PCDHGA9: variants seen among roughly 807,000 people sequenced by gnomAD.
PCDHGA9 encodes protocadherin gamma-A9.
A neutral mutation model predicts 62.5 loss-of-function variants in PCDHGA9; 37 were observed. The observed-to-expected ratio is 0.59, with a 90% CI of 0.46 to 0.78. The LOEUF (loss-of-function observed/expected upper bound fraction) is 0.78. PCDHGA9 is among the 30% of genes least tolerant of loss of function. PCDHGA9 has a pLI of 0.00. For missense variants in PCDHGA9, 1,138 were observed against 1,166.2 expected (o/e 0.98, Z 0.35); for synonymous variants, 459 against 484.6 (o/e 0.95, Z 0.69).
chr5:141,466,496 GCA>G (rs2099123596), intron 1 of PCDHGA9, among the ~76,000 whole-genome samples: 1 of 152,120 alleles, frequency 6.6e-6, no homozygotes. Context: ...TTTAATTAGA[GCA>G]CAGACAAGAT....
At chr5:141,459,075 G>T (rs562572838) in intron 1 of PCDHGA9, among the ~76,000 whole-genome samples, 1 of 152,134 alleles carries the variant, frequency 6.6e-6, no homozygotes, top group Non-Finnish European at 1.5e-5. Context: ...CATAAAATTT[G>T]CCTTTTAAAA....
chr5:141,511,293 G>A lies in PCDHGA9; in HGVS notation c.*120G>A, dbSNP rs1028501355. On this transcript the variant is annotated 3_prime_UTR_variant, in exon 4 of 4. Coordinates refer to ENST00000573521, the MANE Select transcript of PCDHGA9 (RefSeq NM_018921.3). ...CCCCAGAATACTGGTAGGGGCCAAG[G>A]CCATGCTCCCCTTGGGAAACAGAAA... The A allele has an allele frequency of 3.3e-6, 5 of 1,509,316 alleles. No individual in the cohort carries two copies. In the African/African-American group the frequency reaches 5.6e-5, roughly 17 times the overall value. The allele number at this position is 1,509,316 out of a possible 1,614,324, so 93.5% of individuals were successfully genotyped here.
intron 1 of PCDHGA9, among the ~76,000 whole-genome samples, chr5:141,443,789 A>G (rs1316614117): frequency 6.6e-6 from 1 of 152,234 alleles, no homozygotes; most frequent in East Asian, 1.9e-4. Context: ...GACAAAAAAA[A>G]TGAAAAGGAA....
intron 3 of PCDHGA9, among the ~76,000 whole-genome samples, chr5:141,508,837 A>C (rs1596180024): frequency 6.7e-6 from 1 of 149,276 alleles, no homozygotes; most frequent in Non-Finnish European, 1.5e-5. Context: ...CCCCTCCCCT[A>C]CCCCTTCCAT....
In PCDHGA9 at chr5:141,441,656, CT is replaced by C. The variant is rs200391207; in HGVS notation, c.2424+36282del. 8.0e-3 allele frequency: 1,976 copies of C among 247,682 alleles called. 54 individuals carry two copies. The highest frequency in any genetic ancestry group is 0.043 in the African/African-American group (1,846 of 42,486). The allele number at this position is 247,682 out of a possible 1,614,324, so 15.3% of individuals were successfully genotyped here. A position where few individuals can be genotyped will look rare whatever the true frequency, so the allele number is the denominator to read the frequency against. On this transcript the variant is annotated intron_variant, in intron 1 of 3. Coordinates refer to ENST00000573521, the MANE Select transcript of PCDHGA9 (RefSeq NM_018921.3). ...CACAGGCGCTGTGATTCTAGGTGTC[CT>C]TGAGCGCACAGTGCGCCTTCGACCA...
intron 1 of PCDHGA9, among the ~76,000 whole-genome samples, chr5:141,447,805 G>A (rs1389870133): frequency 2.0e-5 from 3 of 152,064 alleles, no homozygotes; most frequent in Admixed American, 2.0e-4. Context: ...AATAAAATTG[G>A]CTGGGCGTGG....
intron 1 of PCDHGA9, among the ~76,000 whole-genome samples, chr5:141,455,830 C>T (rs928219545): frequency 2.0e-5 from 3 of 151,170 alleles, no homozygotes; most frequent in African/African-American, 7.3e-5. Flanking sequence ...GACCCCTTTT[C>T]CTGTCTATCT....
rs1562157859 is a variant in PCDHGA9 at position 141,493,022 on chromosome 5, G to GTGCC, written c.2425-1784_2425-1781dup. Among the ~76,000 whole-genome samples, 2 of 152,222 alleles carry GTGCC rather than the reference G, an allele frequency of 1.3e-5. No homozygotes were observed. Among genetic ancestry groups the GTGCC allele is most frequent in the African/African-American group, 4.8e-5 (2 of 41,454 alleles). ...GCTATAGGCTCTGCCAGATGCCAGG[G>GTGCC]TGCCCTTATGTGTGAGGAAACTACA... On this transcript the variant is annotated intron_variant, in intron 1 of 3. Coordinates refer to ENST00000573521, the MANE Select transcript of PCDHGA9 (RefSeq NM_018921.3). The surrounding 1 kb of genome is among the most constrained non-coding windows in gnomAD (Gnocchi z 4.3).
At chr5:141,406,259 ATCT>A (rs1419106691) in intron 1 of PCDHGA9, among the ~76,000 whole-genome samples, 1 of 151,904 alleles carries the variant, frequency 6.6e-6, no homozygotes, top group East Asian at 1.9e-4. Flanking sequence ...GTCTCAAACG[ATCT>A]TCCTGCTTCA....
At chr5:141,441,916 C>T (rs1340767725) in intron 1 of PCDHGA9, 9 of 352,248 alleles carry the variant, frequency 2.6e-5, no homozygotes, top group Non-Finnish European at 4.9e-5. Context: ...AGATGTGAGA[C>T]ACAATGCGTG....
chr5:141,489,254 C>T lies in PCDHGA9; in HGVS notation c.2425-5553C>T, dbSNP rs2099684538. 2 of 1,548,628 alleles carry T rather than the reference C, an allele frequency of 1.3e-6. No homozygotes were observed. Among genetic ancestry groups the T allele is most frequent in the African/African-American group, 1.4e-5 (1 of 73,008 alleles). ...GACTTCTGGGTCATGGGGCCCAAGA[C>T]ACTCCCACAGCTCGCTGGGAAATGG... is the stretch of plus-strand genomic sequence containing the variant. On this transcript the variant is annotated intron_variant, in intron 1 of 3. Transcript: ENST00000573521. This position sits in a 1 kb window ranked among gnomAD's most constrained non-coding sequence, Gnocchi z 4.5.
At chr5:141,414,945 C>G in intron 1 of PCDHGA9, 2 of 1,614,098 alleles carry the variant, frequency 1.2e-6, no homozygotes, top group Non-Finnish European at 8.5e-7. Flanking sequence ...AGCCCGGCTA[C>G]CTGGTGACCA....
At chr5:141,457,071 C>T in intron 1 of PCDHGA9, among the ~76,000 whole-genome samples, 1 of 152,188 alleles carries the variant, frequency 6.6e-6, no homozygotes, top group Non-Finnish European at 1.5e-5. Context: ...TTGCCAGTAA[C>T]TATTATCCCT....
chr5:141,416,452 A>T (rs2154546483), intron 1 of PCDHGA9: 1 of 152,342 alleles, frequency 6.6e-6, no homozygotes, highest in African/African-American at 2.4e-5. Flanking sequence ...ATGGGTTGGG[A>T]AGACAGATAA....
chr5:141,448,152 C>T (rs1463599948), intron 1 of PCDHGA9, among the ~76,000 whole-genome samples: 1 of 151,984 alleles, frequency 6.6e-6, no homozygotes, highest in African/African-American at 2.4e-5. Flanking sequence ...CAGACTCACC[C>T]CTGAAAGATC....
At chr5:141,444,876 G>A (rs921183358) in intron 1 of PCDHGA9, among the ~76,000 whole-genome samples, 1 of 152,186 alleles carries the variant, frequency 6.6e-6, no homozygotes, top group African/African-American at 2.4e-5. Flanking sequence ...GACAAAGCTT[G>A]TAGGATTTTT....
In PCDHGA9 at chr5:141,422,240, T is replaced by C. The variant is rs1472994337; in HGVS notation, c.2424+16864T>C. ...ACCACCACGACGATGTTGATCACTG[T>C]TGTGGATGTGAATGATAACGCTCCA... On this transcript the variant is annotated intron_variant, in intron 1 of 3. Coordinates refer to ENST00000573521, the MANE Select transcript of PCDHGA9 (RefSeq NM_018921.3). 1.3e-6 allele frequency: 2 copies of C among 1,566,716 alleles called. No individual in the cohort carries two copies. The highest frequency in any genetic ancestry group is 1.2e-5 in the South Asian group (1 of 81,384).
At chr5:141,441,872 G>A (rs1400648028) in intron 1 of PCDHGA9, 4 of 341,526 alleles carry the variant, frequency 1.2e-5, no homozygotes, top group East Asian at 9.4e-5. Context: ...GCGGAGCCTG[G>A]CTACCTGGTC....
chr5:141,476,123 C>G lies in PCDHGA9; in HGVS notation c.2425-18684C>G. Reference sequence around the variant, plus strand: ...GGAACTGCTTTTGAGTGAGATGGTCCCAGAGGCCTGGAGGAGCGGACTGGT... The same window carrying G: ...GGAACTGCTTTTGAGTGAGATGGTCGCAGAGGCCTGGAGGAGCGGACTGGT... On this transcript the variant is annotated intron_variant, in intron 1 of 3. Coordinates refer to ENST00000573521, the MANE Select transcript of PCDHGA9 (RefSeq NM_018921.3). This position sits in a 1 kb window ranked among gnomAD's most constrained non-coding sequence, Gnocchi z 7.6. 1 of 1,602,442 alleles carries G rather than the reference C, an allele frequency of 6.2e-7. No individual in the cohort carries two copies. The highest frequency in any genetic ancestry group is 8.5e-7 in the Non-Finnish European group (1 of 1,176,022).
Sources: allele counts gnomAD v4.1 joint callset (sites outside exome capture counted in the v4.1 genomes callset), GRCh38; gene constraint gnomAD v4.1.1; non-coding constraint Gnocchi (gnomAD v3.1); transcripts MANE v1.5; gene names NCBI Gene and HGNC (gene_info 2026-07-23, HGNC 2026-07-21).